ARL2: variants seen among roughly 807,000 people sequenced by gnomAD.
ARL2 encodes the protein ARF like GTPase 2, also known as ADP-ribosylation factor-like protein 2.
ARL2 carries 11 observed loss-of-function variants against 22.0 expected under a neutral mutation model. The observed-to-expected ratio is 0.50, with a 90% CI of 0.31 to 0.83. The LOEUF (loss-of-function observed/expected upper bound fraction) is 0.83, where lower values mean the gene tolerates loss of function less well. Ranked by LOEUF, ARL2 falls within the 40% of genes least tolerant of loss-of-function variation. The probability of loss-of-function intolerance (pLI) is 0.04; values close to 1 mark genes in which losing one functional copy is unlikely to be tolerated. For synonymous variants in ARL2, 111 were observed against 100.8 expected, an observed-to-expected ratio of 1.10 and a Z score of -0.61; for missense variants, 216 against 243.2, an observed-to-expected ratio of 0.89 and a Z score of 0.74.
chr11:65,021,838 A>G lies in ARL2; in HGVS notation c.538A>G (p.Ile180Val). The G allele has an allele frequency of 2.5e-6, 4 of 1,613,054 alleles. No homozygotes were observed. The highest frequency in any genetic ancestry group is 3.4e-6 in the Non-Finnish European group (4 of 1,179,882). ...GCTCCTGGATGACATTTCCAGCCGC[A>G]TTTTCACAGCTGACTGAACCACTCC... ...DWLLDDISSRIFTAD is the reference protein window; with the variant it reads ...DWLLDDISSRVFTAD Residue 180 changes from isoleucine (I) to valine (V), a missense_variant, in exon 5 of 5, where the codon ATT becomes GTT. Coordinates refer to ENST00000246747, the MANE Select transcript of ARL2 (RefSeq NM_001667.4).
intron 1 of ARL2, 145 bp downstream of exon 1, chr11:65,014,417 C>T (rs992492169): frequency 4.6e-6 from 3 of 647,902 alleles, no homozygotes; most frequent in Non-Finnish European, 7.4e-6. Context: ...TCAATCGCCC[C>T]GTCGGGCCGG....
chr11:65,017,398 G>T (rs1425721573), intron 1 of ARL2, among the ~76,000 whole-genome samples: 2 of 152,126 alleles, frequency 1.3e-5, no homozygotes, highest in Admixed American at 6.6e-5. Context: ...GTTTCACCTT[G>T]TTGGTCAGGC....
At chr11:65,019,218 C>A in intron 3 of ARL2, 1 of 243,602 alleles carries the variant, frequency 4.1e-6, no homozygotes, top group African/African-American at 2.3e-5. Context: ...GCCTCCTGGG[C>A]GACAGAGCAA....
In ARL2 at chr11:65,018,787, G is replaced by A; in HGVS notation, c.339+54G>A. 2.5e-6 allele frequency: 4 copies of A among 1,606,092 alleles called. No homozygotes were observed. Among genetic ancestry groups the A allele is most frequent in the Non-Finnish European group, 3.4e-6 (4 of 1,178,580 alleles). Reference sequence around the variant, plus strand: ...GTATGGACGTGTGGCTGCCTTCTCAGCAGATGCCCAGAGGGGCCCGTGGCC... The same window carrying A: ...GTATGGACGTGTGGCTGCCTTCTCAACAGATGCCCAGAGGGGCCCGTGGCC... On this transcript the variant is annotated intron_variant, in intron 3 of 4. Transcript: ENST00000246747. The surrounding 1 kb of genome is among the most constrained non-coding windows in gnomAD (Gnocchi z 4.2).
intron 1 of ARL2, among the ~76,000 whole-genome samples, chr11:65,016,131 C>T (rs1047658750): frequency 2.0e-5 from 3 of 150,996 alleles, no homozygotes; most frequent in African/African-American, 4.9e-5. Flanking sequence ...TGCCAGAACC[C>T]GGGAGGCGGA....
chr11:65,017,983 C>T (rs559922508), intron 1 of ARL2, among the ~76,000 whole-genome samples: 119 of 152,242 alleles, frequency 7.8e-4, no homozygotes, highest in Non-Finnish European at 1.5e-3. Context: ...GAGCCTCCTC[C>T]GATGGCCCTC....
chr11:65,015,261 C>T (rs1946236399), intron 1 of ARL2, among the ~76,000 whole-genome samples: 1 of 152,106 alleles, frequency 6.6e-6, no homozygotes, highest in African/African-American at 2.4e-5. Flanking sequence ...TTACAGGTGC[C>T]CGCCACCACG....
At position 65,021,989 on chromosome 11, in the gene ARL2, G is replaced by C; in HGVS notation, c.*134G>C. ...ACCCCAGCCTGCTGCTGCTACTGCT[G>C]CCCGCTGCTGCTCTGTGGCCACCCG... On this transcript the variant is annotated 3_prime_UTR_variant, in exon 5 of 5. Coordinates refer to ENST00000246747, the MANE Select transcript of ARL2 (RefSeq NM_001667.4). The C allele has an allele frequency of 1.5e-6, 2 of 1,322,122 alleles. No homozygotes were observed. Among genetic ancestry groups the C allele is most frequent in the Non-Finnish European group, 2.1e-6 (2 of 972,242 alleles). The allele number at this position is 1,322,122 out of a possible 1,614,324, so 81.9% of individuals were successfully genotyped here.
At chr11:65,015,559 G>T (rs1454121986) in intron 1 of ARL2, among the ~76,000 whole-genome samples, 3 of 151,640 alleles carry the variant, frequency 2.0e-5, no homozygotes, top group African/African-American at 7.3e-5. Context: ...ATTCTGTAAT[G>T]CGTGTGTGTG....
chr11:65,021,825 C>T lies in ARL2; in HGVS notation c.525C>T (p.Asp175=). The T allele has an allele frequency of 6.2e-7, 1 of 1,613,414 alleles. No homozygotes were observed. The highest frequency in any genetic ancestry group is 8.5e-7 in the Non-Finnish European group (1 of 1,179,954). The change falls in exon 5 of 5, where the codon GAC becomes GAT. Residue 175 remains aspartate (D), a synonymous_variant. Coordinates refer to ENST00000246747, the MANE Select transcript of ARL2 (RefSeq NM_001667.4). The part of the protein sequence containing the change: ...LLPGIDWLLD[D]ISSRIFTAD ...CGGGCATCGACTGGCTCCTGGATGACATTTCCAGCCGCATTTTCACAGCTG... is the reference window on the plus strand; with the variant it reads ...CGGGCATCGACTGGCTCCTGGATGATATTTCCAGCCGCATTTTCACAGCTG...
rs1246931845 is a variant in ARL2, at chr11:65,020,410, C to T, written c.340-9C>T. ...TCCCCACCCCACCCCTCTATCTTTT[C>T]TCCCCCAGCGCCTGGCCGGAGCAAC... On this transcript the variant is annotated splice_polypyrimidine_tract_variant and intron_variant, in intron 3 of 4. Coordinates refer to ENST00000246747, the MANE Select transcript of ARL2 (RefSeq NM_001667.4). The T allele has an allele frequency of 6.2e-7, 1 of 1,602,452 alleles. No individual in the cohort carries two copies. The highest frequency in any genetic ancestry group is 1.1e-5 in the South Asian group (1 of 90,118).
chr11:65,018,683 C>T lies in ARL2; in HGVS notation c.289C>T (p.Gln97Ter). ...LIWVVDSADR[Q>*]RMQDCQRELQ... ...CTGGGTAGTGGACAGCGCAGACCGC[C>T]AGCGCATGCAGGACTGCCAGCGGGA... The change falls in exon 3 of 5, where the codon CAG becomes TAG. Residue 97 changes from glutamine (Q) to a stop codon, truncating the protein, a stop_gained. Coordinates refer to ENST00000246747, the MANE Select transcript of ARL2 (RefSeq NM_001667.4). LOFTEE classifies it high-confidence loss of function. This position sits in a 1 kb window ranked among gnomAD's most constrained non-coding sequence, Gnocchi z 4.2. The T allele has an allele frequency of 6.2e-7, 1 of 1,614,216 alleles. No individual in the cohort carries two copies. Among genetic ancestry groups the T allele is most frequent in the East Asian group, 2.2e-5 (1 of 44,886 alleles).
At chr11:65,020,307 C>T in intron 3 of ARL2, 112 bp from the exon 4 acceptor site, 2 of 912,550 alleles carry the variant, frequency 2.2e-6, no homozygotes, top group African/African-American at 1.6e-5. Context: ...ACCACGGGGC[C>T]TCACCTTGAT....
chr11:65,015,410 C>T lies in ARL2; in HGVS notation c.65+1138C>T, dbSNP rs114503125. ...GGGATTATGGGCGTGAGCCACTGCG[C>T]CGGGCCGCATGTCTGCTTTAAAGAG... On this transcript the variant is annotated intron_variant, in intron 1 of 4. Coordinates refer to ENST00000246747, the MANE Select transcript of ARL2 (RefSeq NM_001667.4). Among the ~76,000 whole-genome samples, 936 of 152,336 alleles carry T rather than the reference C, an allele frequency of 6.1e-3. 8 individuals are homozygous for T. Among genetic ancestry groups the T allele is most frequent in the African/African-American group, 0.022 (906 of 41,572 alleles).
At chr11:65,016,212 A>AT (rs1217610462) in intron 1 of ARL2, among the ~76,000 whole-genome samples, 6 of 147,760 alleles carry the variant, frequency 4.1e-5, no homozygotes, top group Non-Finnish European at 6.0e-5. Flanking sequence ...TGTTAAAAAA[A>AT]AAAAAAATGA....
intron 3 of ARL2, chr11:65,019,239 C>CA (rs928198007): frequency 0.012 from 1,749 of 140,268 alleles, 2 homozygotes; most frequent in South Asian, 0.031. Context: ...GACCCTGTCT[C>CA]AAAAAAAAAA....
chr11:65,019,081 T>G, intron 3 of ARL2: 1 of 601,376 alleles, frequency 1.7e-6, no homozygotes, highest in Non-Finnish European at 2.5e-6. Flanking sequence ...CTCTTTGCTG[T>G]GTGACCTCAG....
At chr11:65,020,869 C>CAAAAAA (rs58186585) in intron 4 of ARL2, among the ~76,000 whole-genome samples, 705 of 67,998 alleles carry the variant, frequency 0.01, 5 homozygotes, top group African/African-American at 0.033. Flanking sequence ...GACTTCGTCT[C>CAAAAAA]AAAAAAAAAA....
intron 3 of ARL2, chr11:65,019,494 A>C (rs148885834): frequency 0.029 from 4,410 of 153,236 alleles, 243 homozygotes; most frequent in African/African-American, 0.1. Flanking sequence ...GTGAGCCGAG[A>C]TTGTGCCACT....
Sources: gnomAD v4.1 joint callset for allele counts (sites outside exome capture counted in the v4.1 genomes callset) on GRCh38, gnomAD v4.1.1 for gene constraint, Gnocchi (gnomAD v3.1) non-coding constraint, MANE v1.5 for transcripts, NCBI Gene and HGNC (gene_info 2026-07-23, HGNC 2026-07-21) for gene names.